WDFY4: variants seen among roughly 807,000 people sequenced by gnomAD.
WDFY4 encodes WD repeat- and FYVE domain-containing protein 4.
WDFY4 carries 169 observed loss-of-function variants against 351.9 expected under a neutral mutation model. The observed-to-expected ratio is 0.48, with a 90% CI of 0.42 to 0.55. The LOEUF (loss-of-function observed/expected upper bound fraction) is 0.55, where lower values mean the gene tolerates loss of function less well. Among genes scored for constraint, WDFY4 ranks in the 20% least tolerant of loss-of-function variants. WDFY4 has a pLI of 0.00. For missense variants in WDFY4, 3,803 were observed against 3,935.6 expected (o/e 0.97, Z 0.90); for synonymous variants, 1,622 against 1,574.6 (o/e 1.03, Z -0.71).
chr10:48,697,651 C>G (rs1387631700), intron 1 of WDFY4, among the ~76,000 whole-genome samples: 1 of 152,216 alleles, frequency 6.6e-6, no homozygotes, highest in Non-Finnish European at 1.5e-5. Context: ...GGCAATCCCT[C>G]TAACCAGAGT....
At chr10:48,751,160 C>T (rs1050217486) in intron 12 of WDFY4, among the ~76,000 whole-genome samples, 4 of 152,052 alleles carry the variant, frequency 2.6e-5, no homozygotes, top group African/African-American at 7.2e-5. Flanking sequence ...AAGGGCAGGC[C>T]CAGAAATTGA....
At chr10:48,866,705 C>T (rs758040790) in intron 39 of WDFY4, among the ~76,000 whole-genome samples, 3 of 152,172 alleles carry the variant, frequency 2.0e-5, no homozygotes, top group Non-Finnish European at 4.4e-5. Flanking sequence ...GAAGGTTGAG[C>T]TACTGCAAGC....
chr10:48,765,759 G>A (rs564539463), intron 13 of WDFY4, among the ~76,000 whole-genome samples: 1 of 152,126 alleles, frequency 6.6e-6, no homozygotes, highest in Admixed American at 6.5e-5. Flanking sequence ...AAAGGCAATG[G>A]CACAGTCAGG....
At chr10:48,865,907 T>C (rs1182970680) in intron 39 of WDFY4, among the ~76,000 whole-genome samples, 1 of 152,130 alleles carries the variant, frequency 6.6e-6, no homozygotes, top group East Asian at 1.9e-4. Context: ...TTGAAAAAAT[T>C]CAGTAAGGTC....
At chr10:48,912,245 C>CA (rs1838073337) in intron 47 of WDFY4, among the ~76,000 whole-genome samples, 1 of 152,212 alleles carries the variant, frequency 6.6e-6, no homozygotes, top group African/African-American at 2.4e-5. Context: ...TTCAGCTTTG[C>CA]AATGAACTAA....
chr10:48,705,579 G>T (rs1339943932), intron 1 of WDFY4, among the ~76,000 whole-genome samples: 2 of 152,344 alleles, frequency 1.3e-5, no homozygotes, highest in East Asian at 3.9e-4. Flanking sequence ...ACTGGAGCAG[G>T]TGTGGCACGA....
At chr10:48,828,652 G>T (rs897092864) in intron 36 of WDFY4, 126 bp from the exon 37 acceptor site, 2 of 575,906 alleles carry the variant, frequency 3.5e-6, no homozygotes, top group Non-Finnish European at 5.9e-6. Context: ...ATTTGATTAG[G>T]CAAGTTTTTT....
At chr10:48,723,957 AACTTGAGTTT>A (rs2064178494) in intron 5 of WDFY4, among the ~76,000 whole-genome samples, 1 of 151,532 alleles carries the variant, frequency 6.6e-6, no homozygotes, top group East Asian at 1.9e-4. Context: ...CCCTTGAGTA[AACTTGAGTTT>A]ACATGTTCTC....
At chr10:48,712,369 T>C (rs1323927173) in intron 2 of WDFY4, among the ~76,000 whole-genome samples, 1 of 152,372 alleles carries the variant, frequency 6.6e-6, no homozygotes, top group East Asian at 1.9e-4. Context: ...GCACATGGAC[T>C]GAAGCCTTTG....
intron 29 of WDFY4, 123 bp downstream of exon 29, chr10:48,810,858 C>G (rs2067421290): frequency 1.9e-6 from 2 of 1,059,924 alleles, no homozygotes; most frequent in Non-Finnish European, 2.6e-6. Context: ...TCACCTCGAG[C>G]CCTGACTCCA....
chr10:48,752,077 A>C (rs145594155), intron 12 of WDFY4, among the ~76,000 whole-genome samples: 1 of 152,202 alleles, frequency 6.6e-6, no homozygotes, highest in African/African-American at 2.4e-5. Flanking sequence ...GTCTGGGAAC[A>C]CCAGGTCAGG....
chr10:48,829,228 T>A (rs1053306164), intron 37 of WDFY4, among the ~76,000 whole-genome samples: 27 of 152,186 alleles, frequency 1.8e-4, no homozygotes, highest in Non-Finnish European at 3.7e-4. Flanking sequence ...CAGGGTACTC[T>A]ACGGTAAATT....
chr10:48,803,235 C>G, intron 24 of WDFY4, 51 bp from the exon 25 acceptor site: 1 of 1,535,514 alleles, frequency 6.5e-7, no homozygotes, highest in Non-Finnish European at 8.8e-7. Flanking sequence ...TCCTGCAAAT[C>G]ATTCTTCTCC....
chr10:48,737,254 C>A (rs2064701033), intron 11 of WDFY4, among the ~76,000 whole-genome samples: 1 of 152,126 alleles, frequency 6.6e-6, no homozygotes, highest in African/African-American at 2.4e-5. Flanking sequence ...AAGCAGTTCT[C>A]CCACCTCAGC....
intron 60 of WDFY4, among the ~76,000 whole-genome samples, chr10:48,980,920 C>G (rs4838663): frequency 4.6e-5 from 7 of 152,042 alleles, no homozygotes; most frequent in African/African-American, 1.7e-4. Context: ...CATTTAATTA[C>G]TGGTTGTGGC....
intron 24 of WDFY4, among the ~76,000 whole-genome samples, chr10:48,801,261 T>G (rs1451078279): frequency 6.6e-6 from 1 of 152,254 alleles, no homozygotes; most frequent in Non-Finnish European, 1.5e-5. Context: ...TGTAATTTCC[T>G]GATGAGCTAG....
Position 48,811,632 on chromosome 10 carries a change from A to C in WDFY4, c.5138A>C (p.His1713Pro), listed in dbSNP as rs1270228445. 6.4e-7 allele frequency: 1 copy of C among 1,551,922 alleles called. No individual in the cohort carries two copies. Among genetic ancestry groups the C allele is most frequent in the South Asian group, 1.2e-5 (1 of 84,056 alleles). ...AATGACTTTCTGGCCCACCACGTCC[A>C]CATTCCAGAGGTCTACCTCATCGTC... Reference protein sequence around the residue: ...VLNDFLAHHVHIPEVYLIVST... With the variant: ...VLNDFLAHHVPIPEVYLIVST... Residue 1713 changes from histidine to proline, a missense_variant, in exon 30 of 62, where the codon CAC (histidine) becomes CCC (proline). His to Pro is a moderately conservative substitution (Grantham distance 77). Around this residue, in one of 3 missense-constraint regions of WDFY4, gnomAD observed 3,054 missense variants for 3,148.6 expected, o/e 0.97. Coordinates refer to ENST00000325239, the MANE Select transcript of WDFY4 (RefSeq NM_001394531.1).
intron 12 of WDFY4, 82 bp downstream of exon 12, chr10:48,743,630 G>T: frequency 7.0e-7 from 1 of 1,419,700 alleles, no homozygotes; most frequent in East Asian, 2.5e-5. Context: ...GTACTCAGTA[G>T]GAAGGCTCAG....
At chr10:48,794,177 A>G (rs12570942) in intron 23 of WDFY4, among the ~76,000 whole-genome samples, 21,683 of 152,098 alleles carry the variant, frequency 0.14, 1,988 homozygotes, top group East Asian at 0.35. Flanking sequence ...GGACAGGGAA[A>G]CGGACTGACA....
Sources: allele counts gnomAD v4.1 joint callset (sites outside exome capture counted in the v4.1 genomes callset), GRCh38; gene constraint gnomAD v4.1.1; regional missense constraint gnomAD v4.1.1; transcripts MANE v1.5; gene names NCBI Gene and HGNC (gene_info 2026-07-23, HGNC 2026-07-21).